The following CRACDL variants were observed in gnomAD, a reference collection of about 807,000 sequenced individuals.
CRACDL encodes CRACD like.
Under a neutral mutation model 70.6 loss-of-function variants are expected in CRACDL, and 26 were observed. The observed-to-expected ratio is 0.37, with a 90% CI of 0.27 to 0.51. The LOEUF is 0.51. Ranked by LOEUF, CRACDL falls within the 20% of genes least tolerant of loss-of-function variation. CRACDL has a pLI of 0.94. For synonymous variants in CRACDL, 618 were observed against 615.2 expected (o/e 1.00, Z -0.07); for missense variants, 1,283 against 1,376.9 (o/e 0.93, Z 1.08).
At chr2:98,846,460 T>C (rs1354716320) in intron 2 of CRACDL, among the ~76,000 whole-genome samples, 1 of 152,208 alleles carries the variant, frequency 6.6e-6, no homozygotes, top group Non-Finnish European at 1.5e-5. Flanking sequence ...CAGCCAAACA[T>C]GGGGACATGC....
In CRACDL at chr2:98,822,983, C is replaced by A. The variant is rs1352689978; in HGVS notation, c.1290G>T (p.Gly430=). The A allele has an allele frequency of 1.3e-6, 2 of 1,490,260 alleles. No individual in the cohort carries two copies. The highest frequency in any genetic ancestry group is 1.8e-6 in the Non-Finnish European group (2 of 1,120,290). 92.3% of individuals were successfully genotyped at this position (1,490,260 alleles called of 1,614,324 possible). The change falls in exon 7 of 10, where the codon GGG becomes GGT. Residue 430 remains glycine (G), a synonymous_variant. Transcript: ENST00000397899. This position sits in a 1 kb window ranked among gnomAD's most constrained non-coding sequence, Gnocchi z 4.9. ...ATSEAPSARD[G]PERSVPKEAE... ...CTTCCTTCGGGACACTGCGTTCTGG[C>A]CCGTCGCGAGCAGAGGGCGCCTCTG...
At chr2:98,817,988 A>G (rs1190718215) in intron 7 of CRACDL, among the ~76,000 whole-genome samples, 1 of 151,912 alleles carries the variant, frequency 6.6e-6, no homozygotes, top group African/African-American at 2.4e-5. Context: ...TTTTCTACAT[A>G]CTTTCTGTGT....
chr2:98,894,469 C>T (rs1558627181), intron 1 of CRACDL, among the ~76,000 whole-genome samples: 1 of 152,210 alleles, frequency 6.6e-6, no homozygotes, highest in Non-Finnish European at 1.5e-5. Context: ...GATGGAAAAT[C>T]CCCGGAGTTA....
Position 98,922,711 on chromosome 2 carries a change from C to T in CRACDL, c.-11+13227G>A, listed in dbSNP as rs376264221. ...GCCTAGGCCAAGGTCCCCTGCAAAA[C>T]AGGGCCACGGAGGGAAGGACATGCC... On this transcript the variant is annotated intron_variant, in intron 1 of 9. Coordinates refer to ENST00000397899, the MANE Select transcript of CRACDL (RefSeq NM_207362.3). 1.9e-4 allele frequency among the ~76,000 whole-genome samples: 29 copies of T among 152,300 alleles called. 1 individual carries two copies. The East Asian group carries it at 5.6e-3, about 29-fold the overall frequency.
At chr2:98,916,484 CAAT>C (rs1708669242) in intron 1 of CRACDL, among the ~76,000 whole-genome samples, 1 of 147,298 alleles carries the variant, frequency 6.8e-6, no homozygotes, top group African/African-American at 2.6e-5. Context: ...GATTATATGT[CAAT>C]GATACCTCAA....
In CRACDL at chr2:98,823,188, G is replaced by A; in HGVS notation, c.1085C>T (p.Pro362Leu). ...CTTTCCGCCGTCGGGACCGGGATTC[G>A]GGGGGCCCTCCGGCGGGGACGGGGG... is the stretch of plus-strand genomic sequence containing the variant. ...VEPPSPPEGP[P>L]NPGPDGGKQD... The change falls in exon 7 of 10, where the codon CCG becomes CTG. Residue 362 changes from proline (P) to leucine (L), a missense_variant. Coordinates refer to ENST00000397899, the MANE Select transcript of CRACDL (RefSeq NM_207362.3). This position sits in a 1 kb window ranked among gnomAD's most constrained non-coding sequence, Gnocchi z 4.0. The A allele has an allele frequency of 6.7e-7, 1 of 1,485,812 alleles. No homozygotes were observed. The highest frequency in any genetic ancestry group is 2.8e-5 in the East Asian group (1 of 36,194). 92.0% of individuals were successfully genotyped at this position (1,485,812 alleles called of 1,614,324 possible). A position where few individuals can be genotyped will look rare whatever the true frequency, so the allele number is the denominator to read the frequency against.
chr2:98,809,310 C>T (rs1251549158), intron 7 of CRACDL, among the ~76,000 whole-genome samples: 5 of 151,930 alleles, frequency 3.3e-5, no homozygotes. Flanking sequence ...GGGGGATTCC[C>T]AGCCACCACT....
intron 1 of CRACDL, among the ~76,000 whole-genome samples, chr2:98,887,582 T>C (rs575685162): frequency 3.9e-4 from 60 of 152,022 alleles, no homozygotes; most frequent in Non-Finnish European, 7.8e-4. Context: ...AAGAGAAAGG[T>C]GCAGAAAGAA....
At chr2:98,883,137 C>A (rs1265391608) in intron 1 of CRACDL, among the ~76,000 whole-genome samples, 1 of 152,180 alleles carries the variant, frequency 6.6e-6, no homozygotes, top group Non-Finnish European at 1.5e-5. Flanking sequence ...ATAGAAAGAG[C>A]TGCAAGTGGT....
chr2:98,858,186 C>T (rs78561353), intron 1 of CRACDL, among the ~76,000 whole-genome samples: 7,190 of 152,158 alleles, frequency 0.047, 301 homozygotes, highest in South Asian at 0.16. Context: ...TGGAGAAAAG[C>T]TGTGCTTATA....
intron 7 of CRACDL, 33 bp from the exon 8 acceptor site, chr2:98,797,570 G>A: frequency 6.2e-7 from 1 of 1,601,740 alleles, no homozygotes; most frequent in Non-Finnish European, 8.5e-7. Flanking sequence ...TATAGAAACA[G>A]TCCTATTCCC....
chr2:98,896,473 T>C (rs963809171), intron 1 of CRACDL, among the ~76,000 whole-genome samples: 5 of 152,180 alleles, frequency 3.3e-5, no homozygotes, highest in Non-Finnish European at 7.3e-5. Flanking sequence ...CACCCAAACC[T>C]GTGCCCTACA....
intron 1 of CRACDL, among the ~76,000 whole-genome samples, chr2:98,870,227 G>A (rs1471024990): frequency 1.3e-5 from 2 of 152,164 alleles, no homozygotes; most frequent in Non-Finnish European, 2.9e-5. Flanking sequence ...TGGCAGGTGC[G>A]ATTCTATGTT....
chr2:98,929,996 C>T (rs1465908154), intron 1 of CRACDL, among the ~76,000 whole-genome samples: 1 of 152,140 alleles, frequency 6.6e-6, no homozygotes, highest in Non-Finnish European at 1.5e-5. Flanking sequence ...ACCAGTTACC[C>T]AGAGGAACCT....
At position 98,895,091 on chromosome 2, in the gene CRACDL, A is replaced by C. The variant is rs555369147; in HGVS notation, c.-11+40847T>G. On this transcript the variant is annotated intron_variant, in intron 1 of 9. Coordinates refer to ENST00000397899, the MANE Select transcript of CRACDL (RefSeq NM_207362.3). ...ATACCACTACGCTCCAGCCTGGGCA[A>C]CAGAGGAGACCCTGTCTTAAAAAAA... Among the ~76,000 whole-genome samples the C allele has an allele frequency of 9.2e-5, 14 of 152,278 alleles. No homozygotes were observed. In the East Asian group the frequency reaches 2.3e-3, roughly 25 times the overall value.
chr2:98,922,362 C>T (rs1708823819), intron 1 of CRACDL, among the ~76,000 whole-genome samples: 1 of 151,504 alleles, frequency 6.6e-6, no homozygotes, highest in Non-Finnish European at 1.5e-5. Flanking sequence ...ATCGCTTGAA[C>T]CCAGGAGGCA....
chr2:98,825,417 G>T (rs1027634853), intron 6 of CRACDL, among the ~76,000 whole-genome samples: 1 of 152,158 alleles, frequency 6.6e-6, no homozygotes. Flanking sequence ...AAGTTCAAAT[G>T]TAAAGAAAGA....
intron 1 of CRACDL, among the ~76,000 whole-genome samples, chr2:98,900,676 G>C (rs142083085): frequency 6.6e-6 from 1 of 152,090 alleles, no homozygotes; most frequent in African/African-American, 2.4e-5. Context: ...GTGCTGTTTA[G>C]TAAAGTACTG....
intron 7 of CRACDL, among the ~76,000 whole-genome samples, chr2:98,799,442 AG>A (rs1703981248): frequency 6.6e-6 from 1 of 152,028 alleles, no homozygotes; most frequent in Non-Finnish European, 1.5e-5. Flanking sequence ...CCTGGCAGCC[AG>A]GGACGGCTCT....
Sources: gnomAD v4.1 joint callset for allele counts (sites outside exome capture counted in the v4.1 genomes callset) on GRCh38, gnomAD v4.1.1 for gene constraint, Gnocchi (gnomAD v3.1) non-coding constraint, MANE v1.5 for transcripts, NCBI Gene and HGNC (gene_info 2026-07-23, HGNC 2026-07-21) for gene names.